RTN1: variants seen among roughly 807,000 people sequenced by gnomAD.
The protein encoded by RTN1 is reticulon-1.
In RTN1, 25 loss-of-function variants were observed where a neutral mutation model predicts 65.5. The observed-to-expected ratio is 0.38, with a 90% confidence interval of 0.28 to 0.53. RTN1 has a LOEUF of 0.53. Among genes scored for constraint, RTN1 ranks in the 20% least tolerant of loss-of-function variants. The pLI is 0.79. For synonymous variants in RTN1, 471 were observed against 447.6 expected (o/e 1.05, Z -0.66); for missense variants, 983 against 1,025.4 (o/e 0.96, Z 0.57).
chr14:59,759,934 A>G (rs76057318), intron 1 of RTN1, among the ~76,000 whole-genome samples: 1 of 152,324 alleles, frequency 6.6e-6, no homozygotes, highest in East Asian at 1.9e-4. Flanking sequence ...CATAACCCCA[A>G]TGGGAGGCAA....
rs79240143 is a variant in RTN1 at position 59,846,155 on chromosome 14, A to T, written c.241+24235T>A. Among the ~76,000 whole-genome samples the T allele has an allele frequency of 0.017, 2,607 of 152,298 alleles. 107 individuals carry two copies. In the East Asian group the frequency reaches 0.18, roughly 11 times the overall value. On this transcript the variant is annotated intron_variant, in intron 1 of 8. Coordinates refer to ENST00000267484, the MANE Select transcript of RTN1 (RefSeq NM_021136.3). The surrounding 1 kb of genome is among the most constrained non-coding windows in gnomAD (Gnocchi z 4.8). ...TTGAAGACAAGGTCAACAATGTTACAGAATGAGGATGATGCAAGAAGAGAA... is the reference window on the plus strand; with the variant it reads ...TTGAAGACAAGGTCAACAATGTTACTGAATGAGGATGATGCAAGAAGAGAA...
chr14:59,741,289 G>A (rs776262730), intron 2 of RTN1, among the ~76,000 whole-genome samples: 23 of 152,132 alleles, frequency 1.5e-4, no homozygotes, highest in Non-Finnish European at 3.1e-4. Context: ...TACATGACTT[G>A]CTCCCTCACT....
At chr14:59,776,361 T>G (rs1886050135) in intron 1 of RTN1, among the ~76,000 whole-genome samples, 1 of 152,128 alleles carries the variant, frequency 6.6e-6, no homozygotes, top group Non-Finnish European at 1.5e-5. Context: ...AAGAGCAACT[T>G]TGGCCCTATT....
chr14:59,608,896 C>T (rs1273151878), intron 3 of RTN1, among the ~76,000 whole-genome samples: 1 of 151,736 alleles, frequency 6.6e-6, no homozygotes, highest in Admixed American at 6.6e-5. Flanking sequence ...AATAGGTTTC[C>T]AGAGGCAAAA....
At chr14:59,681,304 C>T (rs561623054) in intron 3 of RTN1, among the ~76,000 whole-genome samples, 1 of 152,228 alleles carries the variant, frequency 6.6e-6, no homozygotes, top group African/African-American at 2.4e-5. Flanking sequence ...AGTTACTTTG[C>T]TTTTAATTTA....
chr14:59,664,687 T>C (rs1335396169), intron 3 of RTN1, among the ~76,000 whole-genome samples: 1 of 152,196 alleles, frequency 6.6e-6, no homozygotes, highest in East Asian at 1.9e-4. Flanking sequence ...CAACAGTTTG[T>C]TCCTTTTTAT....
At chr14:59,677,272 T>A (rs1429788315) in intron 3 of RTN1, among the ~76,000 whole-genome samples, 3 of 152,242 alleles carry the variant, frequency 2.0e-5, no homozygotes, top group African/African-American at 4.8e-5. Flanking sequence ...GAGTTTTATT[T>A]TTCTCAGATT....
chr14:59,749,537 CTATA>C (rs1231325510), intron 1 of RTN1, among the ~76,000 whole-genome samples: 1 of 40,182 alleles, frequency 2.5e-5, no homozygotes, highest in Non-Finnish European at 3.7e-5. Context: ...ATATATCTAT[CTATA>C]TATATTTATA....
At chr14:59,709,137 T>G in intron 3 of RTN1, among the ~76,000 whole-genome samples, 1 of 152,184 alleles carries the variant, frequency 6.6e-6, no homozygotes, top group Admixed American at 6.5e-5. Context: ...AAATGTCCTA[T>G]TTTTAGAGAT....
intron 1 of RTN1, among the ~76,000 whole-genome samples, chr14:59,818,851 A>T (rs1017306126): frequency 6.6e-6 from 1 of 152,204 alleles, no homozygotes; most frequent in African/African-American, 2.4e-5. Flanking sequence ...TTTTAATAAT[A>T]ACCATTCTGA....
chr14:59,757,156 C>A (rs892046920), intron 1 of RTN1, among the ~76,000 whole-genome samples: 1 of 152,116 alleles, frequency 6.6e-6, no homozygotes, highest in Non-Finnish European at 1.5e-5. Flanking sequence ...AATATCCTAA[C>A]CCCAAAGATG....
At chr14:59,634,750 CAG>C (rs1320822501) in intron 3 of RTN1, among the ~76,000 whole-genome samples, 3 of 152,030 alleles carry the variant, frequency 2.0e-5, no homozygotes, top group Admixed American at 6.5e-5. Flanking sequence ...GGTACACAAA[CAG>C]AGAGTGGCTA....
rs1481645933 is a variant in RTN1, at chr14:59,661,252, T to G, written c.1766-53760A>C. Among the ~76,000 whole-genome samples, 7 of 66,292 alleles carry G rather than the reference T, an allele frequency of 1.1e-4. No individual in the cohort carries two copies. In the East Asian group the frequency reaches 1.5e-3, roughly 14 times the overall value. The allele number at this position is 66,292 out of a possible 152,430, so 43.5% of individuals were successfully genotyped here. A position where few individuals can be genotyped will look rare whatever the true frequency, so the allele number is the denominator to read the frequency against. On this transcript the variant is annotated intron_variant, in intron 3 of 8. Transcript: ENST00000267484. ...GAAATTCAGGCAGTAATTAATAGCC[T>G]ACCAACCAAAAAAAAAAAAAAAAAA...
chr14:59,607,890 GACTCTGTCTTAA>G (rs1285034945), intron 3 of RTN1, among the ~76,000 whole-genome samples: 1 of 145,528 alleles, frequency 6.9e-6, no homozygotes, highest in Non-Finnish European at 1.5e-5. Flanking sequence ...GACAGGGTTA[GACTCTGTCTTAA>G]AAAAAAAAAA....
At chr14:59,783,028 C>T (rs1406184239) in intron 1 of RTN1, among the ~76,000 whole-genome samples, 1 of 152,098 alleles carries the variant, frequency 6.6e-6, no homozygotes, top group Admixed American at 6.5e-5. Context: ...CCATTTACTC[C>T]CCACAACCAC....
At chr14:59,725,924 G>A (rs191009466) in intron 3 of RTN1, among the ~76,000 whole-genome samples, 1 of 152,334 alleles carries the variant, frequency 6.6e-6, no homozygotes, top group East Asian at 1.9e-4. Context: ...GGCAAAGAAA[G>A]CACTTCTAAA....
At position 59,727,633 on chromosome 14, in the gene RTN1, T is replaced by C. The variant is rs1227725751; in HGVS notation, c.1051A>G (p.Ile351Val). ...SAAESQGKGS[I>V]SEDELITAIK... ...GCGGTGATCAGCTCATCCTCGGAGA[T>C]GCTGCCTTTCCCCTGGGATTCTGCA... Residue 351 changes from isoleucine to valine, a missense_variant, in exon 3 of 9, where the codon ATC (isoleucine) becomes GTC (valine). Physicochemically the swap from Ile to Val is conservative, Grantham distance 29. Around this residue, in one of 2 missense-constraint regions of RTN1, gnomAD observed 818 missense variants for 801.8 expected, o/e 1.02. Transcript: ENST00000267484. The surrounding 1 kb of genome is among the most constrained non-coding windows in gnomAD (Gnocchi z 4.2). 2 of 1,609,904 alleles carry C rather than the reference T, an allele frequency of 1.2e-6. No homozygotes were observed. Among genetic ancestry groups the C allele is most frequent in the East Asian group, 4.5e-5 (2 of 44,834 alleles).
chr14:59,838,663 G>T (rs986270174), intron 1 of RTN1, among the ~76,000 whole-genome samples: 1 of 152,078 alleles, frequency 6.6e-6, no homozygotes, highest in African/African-American at 2.4e-5. Flanking sequence ...ACGTATATAT[G>T]TCTGTATATT....
chr14:59,684,352 A>C (rs1053791732), intron 3 of RTN1, among the ~76,000 whole-genome samples: 2 of 152,044 alleles, frequency 1.3e-5, no homozygotes, highest in African/African-American at 4.8e-5. Flanking sequence ...AGATTTATAC[A>C]ATTTACATAT....
Sources: allele counts gnomAD v4.1 joint callset (sites outside exome capture counted in the v4.1 genomes callset), GRCh38; gene constraint gnomAD v4.1.1; regional missense constraint gnomAD v4.1.1; non-coding constraint Gnocchi (gnomAD v3.1); transcripts MANE v1.5; gene names NCBI Gene and HGNC (gene_info 2026-07-23, HGNC 2026-07-21).